PPP4R4: variants seen among roughly 807,000 people sequenced by gnomAD.
PPP4R4 encodes the protein protein phosphatase 4 regulatory subunit 4, also known as serine/threonine-protein phosphatase 4 regulatory subunit 4.
Under a neutral mutation model 121.8 loss-of-function variants are expected in PPP4R4, and 70 were observed. The observed-to-expected ratio is 0.57, with a 90% CI of 0.47 to 0.70. The LOEUF (loss-of-function observed/expected upper bound fraction) is 0.70. Among genes scored for constraint, PPP4R4 ranks in the 30% least tolerant of loss-of-function variants. The pLI, the probability that PPP4R4 is intolerant of heterozygous loss-of-function variation, is 0.00. For missense variants in PPP4R4, 875 were observed against 1,033.6 expected (o/e 0.85, Z 2.10); for synonymous variants, 348 against 355.7 (o/e 0.98, Z 0.24).
chr14:94,195,175 C>T (rs1479969198), intron 2 of PPP4R4, among the ~76,000 whole-genome samples: 2 of 152,144 alleles, frequency 1.3e-5, no homozygotes, highest in Non-Finnish European at 2.9e-5. Context: ...GTCTCCTTTT[C>T]CTCTTTTTTG....
intron 19 of PPP4R4, among the ~76,000 whole-genome samples, chr14:94,261,740 T>G (rs1430153508): frequency 1.3e-5 from 2 of 152,154 alleles, no homozygotes; most frequent in East Asian, 3.9e-4. Flanking sequence ...AAGTTACCTC[T>G]TACTCCTAGT....
chr14:94,208,735 T>C (rs1003728765), intron 3 of PPP4R4, among the ~76,000 whole-genome samples, 169 bp downstream of exon 3: 1 of 152,084 alleles, frequency 6.6e-6, no homozygotes, highest in Non-Finnish European at 1.5e-5. Context: ...TTAGGGAAAT[T>C]AGCTGATGGA....
Position 94,251,930 on chromosome 14 carries a change from G to A in PPP4R4, c.1865+34G>A, listed in dbSNP as rs1401609829. ...TCAATGAAGGAAAATATTGGAAATTGTATTTATTTTTATCTACTATAGTGA... is the reference window on the plus strand; with the variant it reads ...TCAATGAAGGAAAATATTGGAAATTATATTTATTTTTATCTACTATAGTGA... On this transcript the variant is annotated intron_variant, in intron 16 of 24. Coordinates refer to ENST00000304338, the MANE Select transcript of PPP4R4 (RefSeq NM_058237.2). The A allele has an allele frequency of 2.0e-6, 3 of 1,528,570 alleles. No homozygotes were observed. In the African/African-American group the frequency reaches 4.2e-5, roughly 22 times the overall value. The allele number at this position is 1,528,570 out of a possible 1,614,324, so 94.7% of individuals were successfully genotyped here.
intron 7 of PPP4R4, 57 bp from the exon 8 acceptor site, chr14:94,237,508 A>G: frequency 6.6e-7 from 1 of 1,511,618 alleles, no homozygotes; most frequent in Non-Finnish European, 9.1e-7. Context: ...GTTTTTAGTA[A>G]GTTCCTGCTA....
intron 16 of PPP4R4, among the ~76,000 whole-genome samples, chr14:94,254,413 T>C (rs1165401956): frequency 1.3e-5 from 2 of 152,226 alleles, no homozygotes; most frequent in African/African-American, 4.8e-5. Flanking sequence ...TTTGGGGGGA[T>C]TGATACTCCT....
Position 94,231,254 on chromosome 14 carries a change from C to A in PPP4R4, c.455C>A (p.Ala152Glu). ...LEHRDTGVSN[A>E]WLETLLSVIE... is the part of the protein sequence containing the mutation. ...CTCTGTCAACCAGGTGTCAGCAATG[C>A]ATGGCTGGAAACTCTTCTGTCTGTT... is the stretch of plus-strand genomic sequence containing the variant. Residue 152 changes from alanine to glutamate, a missense_variant, in exon 5 of 25, where the codon GCA (alanine) becomes GAA (glutamate). Transcript: ENST00000304338. The A allele has an allele frequency of 6.2e-7, 1 of 1,611,702 alleles. No individual in the cohort carries two copies. Among genetic ancestry groups the A allele is most frequent in the Non-Finnish European group, 8.5e-7 (1 of 1,178,230 alleles).
At position 94,251,821 on chromosome 14, in the gene PPP4R4, T is replaced by C; in HGVS notation, c.1790T>C (p.Phe597Ser). ...ACCTGTGAATTTATTATAGAGATAT[T>C]TTCAAAATCATTTTTCTGTAAATAT... ...LDTCEFIIEI[F>S]SKSFFCKYFF... The change falls in exon 16 of 25, where the codon TTT becomes TCT. Residue 597 changes from phenylalanine (F) to serine (S), a missense_variant. By Grantham distance (155) the Phe-to-Ser change is radical. Coordinates refer to ENST00000304338, the MANE Select transcript of PPP4R4 (RefSeq NM_058237.2). The C allele has an allele frequency of 6.3e-7, 1 of 1,598,570 alleles. No individual in the cohort carries two copies. Among genetic ancestry groups the C allele is most frequent in the Non-Finnish European group, 8.5e-7 (1 of 1,169,664 alleles).
chr14:94,224,241 A>T (rs1891572548), intron 3 of PPP4R4, among the ~76,000 whole-genome samples: 1 of 152,186 alleles, frequency 6.6e-6, no homozygotes, highest in Admixed American at 6.5e-5. Context: ...AATTATGCAG[A>T]TCCTTAGGTG....
chr14:94,193,145 C>T (rs1317257366), intron 2 of PPP4R4, among the ~76,000 whole-genome samples: 1 of 152,092 alleles, frequency 6.6e-6, no homozygotes, highest in Non-Finnish European at 1.5e-5. Flanking sequence ...CATCATTGAT[C>T]ATTGAGGACA....
Position 94,197,652 on chromosome 14 carries a change from A to G in PPP4R4, c.192-10812A>G, listed in dbSNP as rs887399515. Among the ~76,000 whole-genome samples the G allele has an allele frequency of 4.6e-5, 7 of 152,194 alleles. No individual in the cohort carries two copies. In the South Asian group the frequency reaches 8.3e-4, roughly 18 times the overall value. ...TGTGTATTCCCATGAAACCCTCACC[A>G]TGATCAAGATAATAAGCATATCCAC... On this transcript the variant is annotated intron_variant, in intron 2 of 24. Coordinates refer to ENST00000304338, the MANE Select transcript of PPP4R4 (RefSeq NM_058237.2).
chr14:94,232,811 CCCTGTGGGAGG>C (rs1892116934), intron 5 of PPP4R4, among the ~76,000 whole-genome samples: 9 of 152,116 alleles, frequency 5.9e-5, no homozygotes, highest in African/African-American at 2.2e-4. Context: ...GTAATCCCAG[CCCTGTGGGAGG>C]CTGAGGCGGG....
intron 3 of PPP4R4, among the ~76,000 whole-genome samples, chr14:94,216,734 C>T (rs1891043076): frequency 6.6e-6 from 1 of 152,186 alleles, no homozygotes. Flanking sequence ...CCTGCTTTTA[C>T]AGCCCAGGTG....
In PPP4R4 at chr14:94,265,111, G is replaced by T. The variant is rs143853890; in HGVS notation, c.2197+164G>T. Among the ~76,000 whole-genome samples the T allele has an allele frequency of 1.8e-3, 275 of 152,316 alleles. 3 individuals are homozygous for T. The South Asian group carries it at 0.029, about 16-fold the overall frequency. ...AAAATTGGCCACTTAATGTGGTACA[G>T]ATGTTAAGAGTACATGAATGAAAGG... On this transcript the variant is annotated intron_variant, in intron 20 of 24. Transcript: ENST00000304338.
intron 2 of PPP4R4, among the ~76,000 whole-genome samples, chr14:94,187,946 T>C (rs1350556419): frequency 2.6e-5 from 4 of 152,216 alleles, no homozygotes; most frequent in Admixed American, 2.6e-4. Context: ...GTTATGTTAA[T>C]TTAGGTCATT....
Position 94,245,623 on chromosome 14 carries a change from T to G in PPP4R4, c.1381T>G (p.Leu461Val). The G allele has an allele frequency of 6.3e-7, 1 of 1,599,190 alleles. No homozygotes were observed. Among genetic ancestry groups the G allele is most frequent in the Non-Finnish European group, 8.6e-7 (1 of 1,168,640 alleles). Residue 461 changes from leucine to valine, a missense_variant, in exon 13 of 25, where the codon TTG becomes GTG. Physicochemically the swap from Leu to Val is conservative, Grantham distance 32. Transcript: ENST00000304338. ...TCTTATAGATCATCTTCCAGAAATC[T>G]TGGAACTTATGTCTACTGGTGGAGA... ...DALIDHLPEI[L>V]ELMSTGGESS...
At chr14:94,225,779 T>C (rs1174797552) in intron 3 of PPP4R4, among the ~76,000 whole-genome samples, 4 of 152,162 alleles carry the variant, frequency 2.6e-5, no homozygotes, top group Admixed American at 2.6e-4. Context: ...TGATATTATC[T>C]TCAGAATTAG....
chr14:94,219,453 T>C (rs965580184), intron 3 of PPP4R4, among the ~76,000 whole-genome samples: 1 of 152,116 alleles, frequency 6.6e-6, no homozygotes, highest in African/African-American at 2.4e-5. Flanking sequence ...TGGTAAAAAT[T>C]AGGGTAAATG....
chr14:94,227,216 A>G (rs1891763832), intron 3 of PPP4R4: 3 of 1,237,386 alleles, frequency 2.4e-6, no homozygotes, highest in African/African-American at 3.0e-5. Flanking sequence ...TAGTAATGTA[A>G]GAGGAATGGT....
At chr14:94,275,881 A>G (rs1894610592) in intron 24 of PPP4R4, among the ~76,000 whole-genome samples, 1 of 152,196 alleles carries the variant, frequency 6.6e-6, no homozygotes. Context: ...CAGTGTGCAG[A>G]AAGATTGGTA....
Sources: gnomAD v4.1 joint callset for allele counts (sites outside exome capture counted in the v4.1 genomes callset) on GRCh38, gnomAD v4.1.1 for gene constraint, MANE v1.5 for transcripts, NCBI Gene and HGNC (gene_info 2026-07-23, HGNC 2026-07-21) for gene names.